The following GAS2 variants were observed in gnomAD, a reference collection of about 807,000 sequenced individuals.
GAS2 encodes the protein growth arrest-specific protein 2.
A neutral mutation model predicts 37.5 loss-of-function variants in GAS2; 20 were observed. That is an observed-to-expected ratio of 0.53 (90% CI 0.37 to 0.77). The LOEUF (loss-of-function observed/expected upper bound fraction) is 0.77, where lower values mean the gene tolerates loss of function less well. Ranked by LOEUF, GAS2 falls within the 30% of genes least tolerant of loss-of-function variation. The probability of loss-of-function intolerance (pLI) is 0.00; values close to 1 mark genes in which losing one functional copy is unlikely to be tolerated. For missense variants in GAS2, 336 were observed against 373.4 expected (o/e 0.90, Z 0.82); for synonymous variants, 144 against 132.2 (o/e 1.09, Z -0.61).
At chr11:22,755,426 A>G (rs147609373) in intron 6 of GAS2, among the ~76,000 whole-genome samples, 1 of 152,176 alleles carries the variant, frequency 6.6e-6, no homozygotes, top group Non-Finnish European at 1.5e-5. Flanking sequence ...TAAAATTAAT[A>G]TGATTAAAAT....
intron 5 of GAS2, 91 bp from the exon 6 acceptor site, chr11:22,749,029 T>G (rs1853572335): frequency 8.2e-7 from 1 of 1,217,166 alleles, no homozygotes; most frequent in Non-Finnish European, 1.1e-6. Flanking sequence ...AGTCAGTGAT[T>G]TACTCCCATG....
At chr11:22,793,373 C>A (rs1856269288) in intron 7 of GAS2, among the ~76,000 whole-genome samples, 1 of 152,050 alleles carries the variant, frequency 6.6e-6, no homozygotes, top group Non-Finnish European at 1.5e-5. Flanking sequence ...TTATAATTTT[C>A]TTCTATGTTC....
rs34014416 is a variant in GAS2 at position 22,773,386 on chromosome 11, C to CT, written c.723+17458dup. Among the ~76,000 whole-genome samples, 87 of 64,978 alleles carry CT rather than the reference C, an allele frequency of 1.3e-3. 1 individual carries two copies. Among genetic ancestry groups the CT allele is most frequent in the African/African-American group, 2.6e-3 (47 of 17,894 alleles). 42.6% of individuals were successfully genotyped at this position (64,978 alleles called of 152,430 possible). ...TTTATGTCCAATGTCACACCTCAATCTTTTTTTTTTTTTTTTTTTTTTTTT... is the reference window on the plus strand; with the variant it reads ...TTTATGTCCAATGTCACACCTCAATCTTTTTTTTTTTTTTTTTTTTTTTTTT... On this transcript the variant is annotated intron_variant, in intron 7 of 7. Transcript: ENST00000454584.
upstream of GAS2, among the ~76,000 whole-genome samples, chr11:22,661,705 T>A (rs1848919065): frequency 6.6e-6 from 1 of 152,208 alleles, no homozygotes; most frequent in African/African-American, 2.4e-5. Flanking sequence ...CGGTATAAGA[T>A]GTTTGGGATG....
chr11:22,649,128 G>C (rs1246675278), intron 1 of GAS2, among the ~76,000 whole-genome samples: 26 of 151,818 alleles, frequency 1.7e-4, no homozygotes, highest in Admixed American at 3.9e-4. Flanking sequence ...TAGCATGAAG[G>C]GTTGTTGAAT....
At chr11:22,635,084 T>G (rs1057464657) in intron 1 of GAS2, among the ~76,000 whole-genome samples, 2 of 152,140 alleles carry the variant, frequency 1.3e-5, no homozygotes, top group Non-Finnish European at 2.9e-5. Flanking sequence ...TCAGCTGCAG[T>G]GATAGTGATG....
intron 1 of GAS2, among the ~76,000 whole-genome samples, chr11:22,646,537 T>A (rs1191954335): frequency 6.6e-6 from 1 of 152,206 alleles, no homozygotes; most frequent in Non-Finnish European, 1.5e-5. Context: ...GAACATAAAC[T>A]GTGATACCCA....
Position 22,812,721 on chromosome 11 carries a change from T to C in GAS2, c.*705T>C, listed in dbSNP as rs1404438109. On this transcript the variant is annotated 3_prime_UTR_variant, in exon 8 of 8. Transcript: ENST00000454584. ...CTGTGTTTAGAATGATCTAGTGTAATTCATACATGAGCTGACATACGTTGA... is the reference window on the plus strand; with the variant it reads ...CTGTGTTTAGAATGATCTAGTGTAACTCATACATGAGCTGACATACGTTGA... 1 of 152,612 alleles carries C rather than the reference T, an allele frequency of 6.6e-6. No individual in the cohort carries two copies. Among genetic ancestry groups the C allele is most frequent in the African/African-American group, 2.4e-5 (1 of 41,452 alleles). The allele number at this position is 152,612 out of a possible 1,614,324, so 9.5% of individuals were successfully genotyped here.
At chr11:22,767,918 C>G (rs376019151) in intron 7 of GAS2, among the ~76,000 whole-genome samples, 2 of 151,994 alleles carry the variant, frequency 1.3e-5, no homozygotes, top group Admixed American at 6.6e-5. Flanking sequence ...TTGCATTTCC[C>G]TTTAATACTT....
intron 1 of GAS2, among the ~76,000 whole-genome samples, chr11:22,650,083 C>A (rs976921883): frequency 2.0e-5 from 3 of 151,810 alleles, no homozygotes; most frequent in Non-Finnish European, 4.4e-5. Context: ...CTACACACTG[C>A]TTTGAATGGG....
intron 3 of GAS2, among the ~76,000 whole-genome samples, chr11:22,718,534 G>A (rs902998557): frequency 6.6e-6 from 1 of 151,810 alleles, no homozygotes; most frequent in African/African-American, 2.4e-5. Flanking sequence ...AGGGGGTTGA[G>A]GGATAAAAGA....
chr11:22,793,344 TATAG>T (rs1856267020), intron 7 of GAS2, among the ~76,000 whole-genome samples: 1 of 152,144 alleles, frequency 6.6e-6, no homozygotes, highest in African/African-American at 2.4e-5. Flanking sequence ...GAGTTTTATG[TATAG>T]ATAATGAAAT....
At chr11:22,692,081 G>A (rs1362117842) in intron 3 of GAS2, among the ~76,000 whole-genome samples, 1 of 152,030 alleles carries the variant, frequency 6.6e-6, no homozygotes, top group Non-Finnish European at 1.5e-5. Context: ...AAAAAGAATG[G>A]TATGTAAAGG....
At chr11:22,782,583 C>T (rs550807179) in intron 7 of GAS2, among the ~76,000 whole-genome samples, 3 of 151,824 alleles carry the variant, frequency 2.0e-5, no homozygotes, top group East Asian at 3.9e-4. Flanking sequence ...TCTAGTAGTC[C>T]CCAGTGTCTA....
At chr11:22,661,785 G>T (rs1330863430), upstream of GAS2, among the ~76,000 whole-genome samples, 1 of 152,100 alleles carries the variant, frequency 6.6e-6, no homozygotes, top group East Asian at 1.9e-4. Flanking sequence ...ACTTTGTAAT[G>T]AAACCATCTG....
intron 2 of GAS2, among the ~76,000 whole-genome samples, chr11:22,684,512 AT>A (rs11327326): frequency 0.37 from 55,651 of 151,788 alleles, 11,147 homozygotes; most frequent in African/African-American, 0.55. Context: ...TACACAAAAA[AT>A]TAAGGCAGGA....
chr11:22,657,727 G>A (rs745940447), intron 1 of GAS2, among the ~76,000 whole-genome samples: 4 of 152,164 alleles, frequency 2.6e-5, no homozygotes, highest in East Asian at 1.9e-4. Context: ...CATGACTACC[G>A]TACTTCCTCA....
At chr11:22,722,903 G>T (rs1326409927) in intron 3 of GAS2, among the ~76,000 whole-genome samples, 1 of 151,826 alleles carries the variant, frequency 6.6e-6, no homozygotes, top group Non-Finnish European at 1.5e-5. Context: ...GGAGAATTAA[G>T]CAGTTAGTTA....
At chr11:22,756,675 A>T (rs1012756027) in intron 7 of GAS2, among the ~76,000 whole-genome samples, 7 of 152,182 alleles carry the variant, frequency 4.6e-5, no homozygotes, top group African/African-American at 1.7e-4. Context: ...AAGTTTAATC[A>T]TAATTTTAGC....
Sources: allele counts gnomAD v4.1 joint callset (sites outside exome capture counted in the v4.1 genomes callset), GRCh38; gene constraint gnomAD v4.1.1; transcripts MANE v1.5; gene names NCBI Gene and HGNC (gene_info 2026-07-23, HGNC 2026-07-21).